CPS1: variants seen among roughly 807,000 people sequenced by gnomAD.
CPS1 encodes the protein carbamoyl-phosphate synthase 1.
CPS1 carries 109 observed loss-of-function variants against 174.6 expected under a neutral mutation model. That is an observed-to-expected ratio of 0.62 (90% CI 0.53 to 0.73). The LOEUF (loss-of-function observed/expected upper bound fraction) is 0.73, where lower values mean the gene tolerates loss of function less well. Ranked by LOEUF, CPS1 falls within the 30% of genes least tolerant of loss-of-function variation. The pLI is 0.00. For synonymous variants in CPS1, 637 were observed against 632.0 expected, an observed-to-expected ratio of 1.01 and a Z score of -0.12; for missense variants, 1,689 against 1,821.9, an observed-to-expected ratio of 0.93 and a Z score of 1.33.
intron 35 of CPS1, 116 bp from the exon 36 acceptor site, chr2:210,675,612 C>T (rs1325375859): frequency 1.4e-6 from 1 of 717,882 alleles, no homozygotes; most frequent in Non-Finnish European, 2.6e-6. Context: ...CTATCCATGG[C>T]ACTATACTAC....
chr2:210,618,959 T>A (rs554044532), intron 21 of CPS1: 1 of 152,230 alleles, frequency 6.6e-6, no homozygotes, highest in South Asian at 2.1e-4. Context: ...ACTTTGAAGA[T>A]CTCAACTGCT....
intron 20 of CPS1, among the ~76,000 whole-genome samples, chr2:210,613,041 G>A (rs1198559453): frequency 1.3e-5 from 2 of 151,960 alleles, no homozygotes; most frequent in Non-Finnish European, 2.9e-5. Flanking sequence ...GGAAGCACAA[G>A]CGTTAATCCT....
intron 1 of CPS1, among the ~76,000 whole-genome samples, chr2:210,531,186 G>A (rs1696105374): frequency 6.6e-6 from 1 of 151,962 alleles, no homozygotes; most frequent in Admixed American, 6.6e-5. Flanking sequence ...GAGAGATCAT[G>A]GCCTTGGGGC....
chr2:210,606,926 C>A lies in CPS1; in HGVS notation c.2177C>A (p.Ala726Asp). Residue 726 changes from alanine to aspartate, a missense_variant, in exon 18 of 38, where the codon GCC becomes GAC. Physicochemically the swap from Ala to Asp is moderately radical, Grantham distance 126 (BLOSUM62 -2). Coordinates refer to ENST00000233072, the MANE Select transcript of CPS1 (RefSeq NM_001875.5). ...NARLSRSSAL[A>D]SKATGYPLAF... ...AGACTGTCCCGAAGCTCTGCTCTGG[C>A]CTCAAAAGCCACTGGGTAAGACCAG... The A allele has an allele frequency of 6.2e-7, 1 of 1,612,108 alleles. No homozygotes were observed. Among genetic ancestry groups the A allele is most frequent in the South Asian group, 1.1e-5 (1 of 91,034 alleles).
rs1180708087 is a variant in CPS1, at chr2:210,573,292, C to A, written c.127-6C>A. On this transcript the variant is annotated splice_region_variant and splice_polypyrimidine_tract_variant and intron_variant, in intron 1 of 37. Coordinates refer to ENST00000233072, the MANE Select transcript of CPS1 (RefSeq NM_001875.5). ...TCTGCTAAGATTCATGCAACTGTTT[C>A]TTCAGGCACAGACAGCACACATTGT... 6.2e-7 allele frequency: 1 copy of A among 1,610,842 alleles called. No homozygotes were observed.
intron 21 of CPS1, among the ~76,000 whole-genome samples, chr2:210,636,533 G>A (rs1700045418): frequency 6.6e-6 from 1 of 151,960 alleles, no homozygotes; most frequent in African/African-American, 2.4e-5. Flanking sequence ...GGAGTAATCT[G>A]GTAAATAAGC....
chr2:210,540,721 G>A (rs563922653), intron 1 of CPS1, among the ~76,000 whole-genome samples: 3 of 152,276 alleles, frequency 2.0e-5, no homozygotes, highest in African/African-American at 7.2e-5. Flanking sequence ...CAAATGGTAA[G>A]TGGGTAATTT....
Position 210,479,670 on chromosome 2 carries a change from G to A in CPS1, c.3+1904G>A, listed in dbSNP as rs1260909100. 2.6e-5 allele frequency among the ~76,000 whole-genome samples: 4 copies of A among 152,138 alleles called. No individual in the cohort carries two copies. In the South Asian group the frequency reaches 8.3e-4, roughly 31 times the overall value. On this transcript the variant is annotated intron_variant, in intron 1 of 38. Transcript: ENST00000430249. Reference sequence around the variant, plus strand: ...GGACTTCAACGTATGAATTTGGGGGGCAACAATTTTAGCCCCAAATAGTAC... The same window carrying A: ...GGACTTCAACGTATGAATTTGGGGGACAACAATTTTAGCCCCAAATAGTAC...
intron 29 of CPS1, 75 bp downstream of exon 29, chr2:210,654,177 C>A: frequency 7.6e-7 from 1 of 1,321,000 alleles, no homozygotes; most frequent in Non-Finnish European, 1.1e-6. Flanking sequence ...GAAATATTGA[C>A]AGGTTAGAAT....
chr2:210,632,729 T>C (rs1049491263), intron 21 of CPS1, among the ~76,000 whole-genome samples: 2 of 152,230 alleles, frequency 1.3e-5, no homozygotes, highest in Non-Finnish European at 2.9e-5. Context: ...TGTTTTGCAC[T>C]ATTTCATGAT....
intron 21 of CPS1, chr2:210,619,077 G>A (rs1699415148): frequency 6.6e-6 from 1 of 152,114 alleles, no homozygotes; most frequent in South Asian, 2.1e-4. Context: ...TATCTCTGCT[G>A]CCAATGTACC....
intron 1 of CPS1, among the ~76,000 whole-genome samples, chr2:210,569,807 C>T (rs1172136387): frequency 6.6e-6 from 1 of 151,988 alleles, no homozygotes; most frequent in Admixed American, 6.6e-5. Flanking sequence ...TGACATTCTA[C>T]AAGAATACAC....
At chr2:210,659,417 C>A (rs1700839441) in intron 31 of CPS1, among the ~76,000 whole-genome samples, 1 of 152,090 alleles carries the variant, frequency 6.6e-6, no homozygotes, top group East Asian at 1.9e-4. Flanking sequence ...TTACTCCTAC[C>A]AGACTCTGAT....
rs759283625 is a variant in CPS1, at chr2:210,564,595, C to G, written c.126+7736C>G. ...GTTTCACCGTGTTAGCCAGGATGGT[C>G]TCGATCTCCTGACCTTGTGATCCGC... On this transcript the variant is annotated intron_variant, in intron 1 of 37. Transcript: ENST00000233072. Among the ~76,000 whole-genome samples the G allele has an allele frequency of 2.0e-3, 309 of 152,052 alleles. 4 individuals carry two copies. The highest frequency in any genetic ancestry group is 2.3e-3 in the Non-Finnish European group (155 of 67,894).
At chr2:210,638,573 C>T (rs1213336289) in intron 22 of CPS1, among the ~76,000 whole-genome samples, 2 of 152,182 alleles carry the variant, frequency 1.3e-5, no homozygotes, top group African/African-American at 4.8e-5. Context: ...TTCCTTCTCA[C>T]CTGCCTTACA....
chr2:210,491,666 A>G (rs988390861), intron 1 of CPS1, among the ~76,000 whole-genome samples: 1 of 151,990 alleles, frequency 6.6e-6, no homozygotes, highest in African/African-American at 2.4e-5. Flanking sequence ...GGAAGTTACC[A>G]TCTCACCTCC....
intron 9 of CPS1, among the ~76,000 whole-genome samples, 168 bp downstream of exon 9, chr2:210,591,074 TAAAA>T (rs1698280678): frequency 6.7e-6 from 1 of 150,084 alleles, no homozygotes; most frequent in Non-Finnish European, 1.5e-5. Flanking sequence ...ATAAATAAAA[TAAAA>T]AATAAAATAA....
At chr2:210,596,514 G>T (rs1422191622) in intron 13 of CPS1, among the ~76,000 whole-genome samples, 1 of 151,918 alleles carries the variant, frequency 6.6e-6, no homozygotes, top group Non-Finnish European at 1.5e-5. Flanking sequence ...ATGGGCGTCT[G>T]TTGAAGAGGT....
chr2:210,560,428 A>C (rs988220018), intron 1 of CPS1, among the ~76,000 whole-genome samples: 1 of 152,138 alleles, frequency 6.6e-6, no homozygotes, highest in African/African-American at 2.4e-5. Flanking sequence ...TTGGAAATCA[A>C]AAGTATTAAA....
Sources: gnomAD v4.1 joint callset for allele counts (sites outside exome capture counted in the v4.1 genomes callset) on GRCh38, gnomAD v4.1.1 for gene constraint, MANE v1.5 for transcripts, NCBI Gene and HGNC (gene_info 2026-07-23, HGNC 2026-07-21) for gene names.